CTNNA3: variants seen among roughly 807,000 people sequenced by gnomAD.
The protein encoded by CTNNA3 is catenin alpha-3.
Under a neutral mutation model 95.7 loss-of-function variants are expected in CTNNA3, and 76 were observed. The ratio of observed to expected loss-of-function variants is 0.79; its 90% CI spans 0.66 to 0.96. The LOEUF (loss-of-function observed/expected upper bound fraction) is 0.96, where lower values mean the gene tolerates loss of function less well. Among genes scored for constraint, CTNNA3 ranks in the 40% least tolerant of loss-of-function variants. CTNNA3 has a pLI of 0.00. For synonymous variants in CTNNA3, 431 were observed against 374.4 expected (o/e 1.15, Z -1.74); for missense variants, 1,191 against 1,089.8 (o/e 1.09, Z -1.31).
intron 5 of CTNNA3, among the ~76,000 whole-genome samples, chr10:67,234,982 A>C (rs1865385546): frequency 6.7e-6 from 1 of 148,664 alleles, no homozygotes; most frequent in South Asian, 2.2e-4. Flanking sequence ...CTTCAAGGAG[A>C]ACTACAAACC....
chr10:66,620,362 C>A (rs1344669778), intron 10 of CTNNA3, among the ~76,000 whole-genome samples: 1 of 151,716 alleles, frequency 6.6e-6, no homozygotes, highest in African/African-American at 2.4e-5. Flanking sequence ...TACAACCTAA[C>A]AAAAATCGGA....
At chr10:66,923,656 A>G (rs983244909) in intron 7 of CTNNA3, among the ~76,000 whole-genome samples, 2 of 152,236 alleles carry the variant, frequency 1.3e-5, no homozygotes, top group African/African-American at 4.8e-5. Flanking sequence ...AAGACAAGAT[A>G]TCTGTGAAAA....
At position 67,417,853 on chromosome 10, in the gene CTNNA3, T is replaced by C. The variant is rs186159185; in HGVS notation, c.579+103989A>G. ...AATAAAATCAAATTTTATTGACATATTGGCGAAGCATAATTCAATATTAAA... is the reference window on the plus strand; with the variant it reads ...AATAAAATCAAATTTTATTGACATACTGGCGAAGCATAATTCAATATTAAA... On this transcript the variant is annotated intron_variant, in intron 5 of 17. Transcript: ENST00000433211. 8.5e-5 allele frequency among the ~76,000 whole-genome samples: 13 copies of C among 152,314 alleles called. No individual in the cohort carries two copies. In the East Asian group the frequency reaches 2.3e-3, roughly 27 times the overall value.
chr10:67,365,467 A>G (rs950277961), intron 5 of CTNNA3, among the ~76,000 whole-genome samples: 1 of 152,210 alleles, frequency 6.6e-6, no homozygotes, highest in African/African-American at 2.4e-5. Context: ...ACATTTTGCA[A>G]TCTACCCATG....
intron 3 of CTNNA3, among the ~76,000 whole-genome samples, chr10:67,555,384 G>A (rs1210525354): frequency 2.0e-5 from 3 of 152,188 alleles, no homozygotes. Context: ...TCCTATCCAT[G>A]AGCATGGAAT....
At chr10:67,583,754 A>G (rs1054462408) in intron 3 of CTNNA3, among the ~76,000 whole-genome samples, 2 of 152,012 alleles carry the variant, frequency 1.3e-5, no homozygotes, top group Admixed American at 6.6e-5. Flanking sequence ...GGCTTTGTTC[A>G]TTTCTTTTCA....
chr10:66,811,892 G>A (rs1326985078), intron 7 of CTNNA3, among the ~76,000 whole-genome samples: 1 of 152,140 alleles, frequency 6.6e-6, no homozygotes, highest in African/African-American at 2.4e-5. Context: ...ATTTATCTTA[G>A]ATTAAGATAA....
At chr10:65,979,009 T>A (rs1407098805) in intron 16 of CTNNA3, among the ~76,000 whole-genome samples, 1 of 152,100 alleles carries the variant, frequency 6.6e-6, no homozygotes, top group Non-Finnish European at 1.5e-5. Context: ...AGACTGGACA[T>A]GTTGATTTAT....
chr10:66,791,410 T>C (rs1365011060), intron 7 of CTNNA3, among the ~76,000 whole-genome samples: 1 of 152,226 alleles, frequency 6.6e-6, no homozygotes, highest in Non-Finnish European at 1.5e-5. Flanking sequence ...CTGGTCATAC[T>C]GATCCCTCAA....
intron 9 of CTNNA3, among the ~76,000 whole-genome samples, chr10:66,643,521 A>C (rs1845587770): frequency 6.6e-6 from 1 of 152,174 alleles, no homozygotes; most frequent in Non-Finnish European, 1.5e-5. Flanking sequence ...AGTAGAGTTA[A>C]TATCATTACT....
chr10:67,387,625 A>T (rs900354550), intron 5 of CTNNA3, among the ~76,000 whole-genome samples: 4 of 152,184 alleles, frequency 2.6e-5, no homozygotes, highest in African/African-American at 9.6e-5. Context: ...ACAAACAAAA[A>T]GACAGCAGTA....
chr10:67,566,041 G>GTATACATATATATATATATA (rs1388066358), intron 3 of CTNNA3, among the ~76,000 whole-genome samples: 1 of 29,434 alleles, frequency 3.4e-5, no homozygotes, highest in African/African-American at 1.4e-4. Flanking sequence ...ATATGTGTGT[G>GTATACATATATATATATATA]TGTATATATA....
chr10:66,988,712 T>C (rs1314352803), intron 7 of CTNNA3, among the ~76,000 whole-genome samples: 3 of 152,138 alleles, frequency 2.0e-5, no homozygotes, highest in Non-Finnish European at 2.9e-5. Flanking sequence ...AGGTCACCTC[T>C]GAATACTAGG....
At chr10:67,183,584 A>G (rs1862687995) in intron 6 of CTNNA3, among the ~76,000 whole-genome samples, 1 of 152,106 alleles carries the variant, frequency 6.6e-6, no homozygotes, top group South Asian at 2.1e-4. Flanking sequence ...GATATACCTA[A>G]TGTTAAATGA....
intron 7 of CTNNA3, among the ~76,000 whole-genome samples, chr10:66,846,202 C>G (rs1843268829): frequency 6.6e-6 from 1 of 152,028 alleles, no homozygotes; most frequent in Non-Finnish European, 1.5e-5. Flanking sequence ...TGAAATAAAC[C>G]AGACCCAGAA....
At chr10:66,447,786 A>T (rs1024569674) in intron 11 of CTNNA3, among the ~76,000 whole-genome samples, 2 of 152,002 alleles carry the variant, frequency 1.3e-5, no homozygotes, top group Admixed American at 6.6e-5. Flanking sequence ...CATGTCTAAA[A>T]CACCAAAAGC....
chr10:66,771,786 T>C (rs764949188), intron 8 of CTNNA3, among the ~76,000 whole-genome samples: 1 of 152,182 alleles, frequency 6.6e-6, no homozygotes, highest in Non-Finnish European at 1.5e-5. Flanking sequence ...AAATGAGAGA[T>C]GTTGTCATAG....
chr10:67,593,431 C>A (rs1842842946), intron 3 of CTNNA3, among the ~76,000 whole-genome samples: 1 of 152,158 alleles, frequency 6.6e-6, no homozygotes, highest in African/African-American at 2.4e-5. Flanking sequence ...TGTCTGATTT[C>A]TTTCAGCAGC....
At chr10:66,842,567 T>A (rs533530139) in intron 7 of CTNNA3, among the ~76,000 whole-genome samples, 2 of 152,206 alleles carry the variant, frequency 1.3e-5, no homozygotes, top group South Asian at 4.2e-4. Flanking sequence ...AGAACTTAAT[T>A]GGTTTTGCTG....
Sources: gnomAD v4.1 joint callset for allele counts (sites outside exome capture counted in the v4.1 genomes callset) on GRCh38, gnomAD v4.1.1 for gene constraint, MANE v1.5 for transcripts, NCBI Gene and HGNC (gene_info 2026-07-23, HGNC 2026-07-21) for gene names.